The following RNF150 variants were observed in gnomAD, a reference collection of about 807,000 sequenced individuals.
RNF150 encodes the protein ring finger protein 150.
A neutral mutation model predicts 39.3 loss-of-function variants in RNF150; 24 were observed. That is an observed-to-expected ratio of 0.61 (90% CI 0.44 to 0.86). The LOEUF is 0.86. RNF150 is among the 40% of genes least tolerant of loss of function. The pLI, the probability that RNF150 is intolerant of heterozygous loss-of-function variation, is 0.00. For missense variants in RNF150, 502 were observed against 587.8 expected (o/e 0.85, Z 1.51); for synonymous variants, 255 against 227.3 (o/e 1.12, Z -1.10).
rs112482274 is a variant in RNF150, at chr4:141,191,580, C to A, written c.-6+21214G>T. Among the ~76,000 whole-genome samples the A allele has an allele frequency of 5.4e-3, 821 of 152,288 alleles. 7 individuals are homozygous for A. The highest frequency in any genetic ancestry group is 0.019 in the African/African-American group (789 of 41,566). ...GTATATTTGGAGAATGTTGTGACTT[C>A]AGCAATGAAGAGGAGATGGTGTGCT... On this transcript the variant is annotated intron_variant, in intron 1 of 7. Transcript: ENST00000420921.
At chr4:140,910,686 A>G (rs1361258805) in intron 6 of RNF150, among the ~76,000 whole-genome samples, 2 of 145,330 alleles carry the variant, frequency 1.4e-5, no homozygotes, top group African/African-American at 5.1e-5. Flanking sequence ...ATACAGTCAC[A>G]CGCACACTCG....
chr4:141,157,861 C>T (rs1396905221), intron 1 of RNF150, among the ~76,000 whole-genome samples: 1 of 152,208 alleles, frequency 6.6e-6, no homozygotes, highest in Non-Finnish European at 1.5e-5. Flanking sequence ...GTGTCTCGTC[C>T]AGAGTCAAAC....
chr4:141,150,757 A>G (rs1727283483), intron 1 of RNF150, among the ~76,000 whole-genome samples: 1 of 152,194 alleles, frequency 6.6e-6, no homozygotes, highest in Non-Finnish European at 1.5e-5. Flanking sequence ...ACTAGAATGT[A>G]AATCTTAAGA....
At chr4:140,969,585 A>T (rs1164898778) in intron 1 of RNF150, among the ~76,000 whole-genome samples, 3 of 152,018 alleles carry the variant, frequency 2.0e-5, no homozygotes, top group Non-Finnish European at 4.4e-5. Context: ...TGCTGCAGCT[A>T]TTTAGAGTTA....
At chr4:141,182,294 G>A (rs1344591085) in intron 1 of RNF150, among the ~76,000 whole-genome samples, 20 of 89,116 alleles carry the variant, frequency 2.2e-4, no homozygotes, top group South Asian at 4.8e-4. Flanking sequence ...CTCTCTCACC[G>A]CTCCTATTCA....
chr4:140,950,587 G>A (rs761936336), intron 2 of RNF150, among the ~76,000 whole-genome samples: 3 of 152,064 alleles, frequency 2.0e-5, no homozygotes, highest in Non-Finnish European at 4.4e-5. Context: ...ACCTTTATTT[G>A]CCAAGCCACC....
intron 1 of RNF150, among the ~76,000 whole-genome samples, chr4:141,151,529 A>G (rs1727301940): frequency 6.6e-6 from 1 of 151,972 alleles, no homozygotes; most frequent in Non-Finnish European, 1.5e-5. Context: ...ATGGTTATAT[A>G]CAATTATTAC....
chr4:140,878,185 T>TTTC (rs1729238136), intron 6 of RNF150, among the ~76,000 whole-genome samples: 3 of 122,576 alleles, frequency 2.4e-5, no homozygotes, highest in Admixed American at 8.6e-5. Context: ...TTTTTTTTTT[T>TTTC]CAACAGAATC....
At chr4:141,000,086 G>GTA (rs1219238276) in intron 1 of RNF150, among the ~76,000 whole-genome samples, 1 of 60,656 alleles carries the variant, frequency 1.6e-5, no homozygotes, top group Non-Finnish European at 3.7e-5. Flanking sequence ...AGAAGAAGAA[G>GTA]GAGAAGAAGA....
chr4:141,107,828 C>T (rs905214226), intron 1 of RNF150, among the ~76,000 whole-genome samples: 3 of 32,730 alleles, frequency 9.2e-5, no homozygotes, highest in African/African-American at 2.0e-4. Context: ...ATTTGAATGG[C>T]CTCATTTATA....
At chr4:141,096,488 G>A (rs1221637826) in intron 1 of RNF150, among the ~76,000 whole-genome samples, 9 of 152,000 alleles carry the variant, frequency 5.9e-5, no homozygotes, top group African/African-American at 1.9e-4. Flanking sequence ...GTGAGTCACC[G>A]TGCCCAGCCA....
intron 1 of RNF150, among the ~76,000 whole-genome samples, chr4:141,171,108 G>A (rs1241451341): frequency 1.3e-5 from 2 of 152,194 alleles, no homozygotes; most frequent in Non-Finnish European, 1.5e-5. Flanking sequence ...TATATACACA[G>A]TCTGTTTAGA....
At chr4:141,063,685 G>T (rs1400354976) in intron 1 of RNF150, among the ~76,000 whole-genome samples, 2 of 152,134 alleles carry the variant, frequency 1.3e-5, no homozygotes, top group Admixed American at 6.6e-5. Flanking sequence ...GGGTCTATCA[G>T]TAGGAACCAA....
chr4:141,037,951 C>A (rs1736206860), intron 1 of RNF150, among the ~76,000 whole-genome samples: 1 of 152,130 alleles, frequency 6.6e-6, no homozygotes, highest in African/African-American at 2.4e-5. Flanking sequence ...ATCATATACA[C>A]TAACATGTTA....
At chr4:141,197,631 C>A (rs1728221660) in intron 1 of RNF150, among the ~76,000 whole-genome samples, 1 of 152,138 alleles carries the variant, frequency 6.6e-6, no homozygotes, top group Non-Finnish European at 1.5e-5. Flanking sequence ...GTAATCCCAG[C>A]ACTTTGGGAG....
intron 1 of RNF150, among the ~76,000 whole-genome samples, chr4:140,982,763 C>T (rs544627027): frequency 6.6e-6 from 1 of 152,074 alleles, no homozygotes; most frequent in African/African-American, 2.4e-5. Flanking sequence ...AAGACACATG[C>T]CTTTGCTTAT....
At chr4:140,976,008 T>G in intron 1 of RNF150, among the ~76,000 whole-genome samples, 1 of 152,172 alleles carries the variant, frequency 6.6e-6, no homozygotes, top group East Asian at 1.9e-4. Context: ...GTTAACAAAT[T>G]CCCTAACAGC....
At chr4:141,151,977 T>C (rs1727310791) in intron 1 of RNF150, among the ~76,000 whole-genome samples, 1 of 152,250 alleles carries the variant, frequency 6.6e-6, no homozygotes, top group Non-Finnish European at 1.5e-5. Context: ...AGGTCTGCCA[T>C]GTGTTCTTTT....
intron 1 of RNF150, among the ~76,000 whole-genome samples, chr4:141,037,637 A>T (rs1736195480): frequency 6.6e-6 from 1 of 152,186 alleles, no homozygotes; most frequent in Admixed American, 6.6e-5. Flanking sequence ...TTTGCAATAA[A>T]CTGTTGGATC....
Sources: allele counts gnomAD v4.1 joint callset (sites outside exome capture counted in the v4.1 genomes callset), GRCh38; gene constraint gnomAD v4.1.1; transcripts MANE v1.5; gene names NCBI Gene and HGNC (gene_info 2026-07-23, HGNC 2026-07-21).